Variants in PDGFC observed in about 807,000 individuals in gnomAD.
The protein encoded by PDGFC is platelet derived growth factor C, also known as platelet-derived growth factor C.
In PDGFC, 12 loss-of-function variants were observed where a neutral mutation model predicts 35.5. The ratio of observed to expected loss-of-function variants is 0.34; its 90% CI spans 0.22 to 0.55. PDGFC has a LOEUF of 0.55. PDGFC is among the 20% of genes least tolerant of loss of function. The probability of loss-of-function intolerance (pLI) is 0.91; values close to 1 mark genes in which losing one functional copy is unlikely to be tolerated. For missense variants in PDGFC, 322 were observed against 412.4 expected, an observed-to-expected ratio of 0.78 and a Z score of 1.90; for synonymous variants, 159 against 148.8, an observed-to-expected ratio of 1.07 and a Z score of -0.50.
chr4:156,921,321 A>T (rs76288199), intron 1 of PDGFC, among the ~76,000 whole-genome samples: 1,984 of 152,240 alleles, frequency 0.013, 26 homozygotes, highest in Non-Finnish European at 0.021. Flanking sequence ...ATGTATTCAG[A>T]ACAACAGATA....
At chr4:156,879,620 T>C (rs1389701603) in intron 1 of PDGFC, among the ~76,000 whole-genome samples, 2 of 152,168 alleles carry the variant, frequency 1.3e-5, no homozygotes, top group African/African-American at 4.8e-5. Flanking sequence ...AATGGGTCAT[T>C]TACTCCAAAT....
At chr4:156,856,170 A>G (rs770189631) in intron 1 of PDGFC, among the ~76,000 whole-genome samples, 2 of 152,186 alleles carry the variant, frequency 1.3e-5, no homozygotes, top group Non-Finnish European at 2.9e-5. Flanking sequence ...ACCTCCAACT[A>G]TTCCAATTAC....
chr4:156,807,856 A>G (rs1731813046), intron 3 of PDGFC, among the ~76,000 whole-genome samples: 1 of 152,062 alleles, frequency 6.6e-6, no homozygotes, highest in East Asian at 1.9e-4. Flanking sequence ...ATAGTAATGC[A>G]TGCAAAATAT....
chr4:156,791,907 C>A (rs1731308654), intron 3 of PDGFC, among the ~76,000 whole-genome samples: 5 of 152,118 alleles, frequency 3.3e-5, no homozygotes, highest in Admixed American at 3.3e-4. Flanking sequence ...CTAGGATTGG[C>A]CTGAAAACCT....
At chr4:156,840,497 G>T (rs1168330462) in intron 2 of PDGFC, among the ~76,000 whole-genome samples, 1 of 152,230 alleles carries the variant, frequency 6.6e-6, no homozygotes, top group East Asian at 1.9e-4. Context: ...TCCTGCAGGG[G>T]TGGAGCCCTC....
At chr4:156,890,522 A>G (rs1384630116) in intron 1 of PDGFC, among the ~76,000 whole-genome samples, 1 of 152,122 alleles carries the variant, frequency 6.6e-6, no homozygotes. Flanking sequence ...TTTTCTGACC[A>G]GTCTTTCCTG....
chr4:156,848,122 C>G (rs1729369246), intron 2 of PDGFC, among the ~76,000 whole-genome samples: 1 of 150,732 alleles, frequency 6.6e-6, no homozygotes, highest in Non-Finnish European at 1.5e-5. Flanking sequence ...AAGACATAAG[C>G]AGGCATGATA....
chr4:156,774,457 T>C (rs1172634740), intron 3 of PDGFC: 1 of 152,214 alleles, frequency 6.6e-6, no homozygotes, highest in Non-Finnish European at 1.5e-5. Context: ...CTCTGTGGGC[T>C]GCTCTGTGAG....
At chr4:156,965,913 A>G (rs1732455250) in intron 1 of PDGFC, among the ~76,000 whole-genome samples, 2 of 152,318 alleles carry the variant, frequency 1.3e-5, no homozygotes, top group South Asian at 4.1e-4. Flanking sequence ...CTGATCGATC[A>G]GGACAGAGGC....
chr4:156,879,061 G>T lies in PDGFC; in HGVS notation c.119-28645C>A, dbSNP rs866580737. 4.0e-4 allele frequency among the ~76,000 whole-genome samples: 61 copies of T among 152,148 alleles called. 1 individual carries two copies. The highest frequency in any genetic ancestry group is 1.3e-3 in the African/African-American group (52 of 41,426). ...GTGACTCAGATAATTTGTCTGAAAG[G>T]TAGGTACTGTCAGTTGTCTTATGAG... On this transcript the variant is annotated intron_variant, in intron 1 of 5. Transcript: ENST00000502773.
chr4:156,851,825 G>A (rs1293494019), intron 1 of PDGFC, among the ~76,000 whole-genome samples: 7 of 150,918 alleles, frequency 4.6e-5, no homozygotes, highest in East Asian at 3.9e-4. Context: ...CTGCTACTCC[G>A]GAGGCTGAGG....
intron 1 of PDGFC, among the ~76,000 whole-genome samples, chr4:156,884,253 G>A (rs1294399965): frequency 6.6e-6 from 1 of 152,152 alleles, no homozygotes; most frequent in African/African-American, 2.4e-5. Flanking sequence ...ATAAAAATGT[G>A]TAAGGTCAAC....
intron 2 of PDGFC, among the ~76,000 whole-genome samples, chr4:156,812,709 G>C (rs1731971079): frequency 6.6e-6 from 1 of 152,132 alleles, no homozygotes; most frequent in African/African-American, 2.4e-5. Context: ...AACTACTTCA[G>C]CTTCATTTTC....
chr4:156,888,645 T>C (rs1363003316), intron 1 of PDGFC, among the ~76,000 whole-genome samples: 1 of 152,218 alleles, frequency 6.6e-6, no homozygotes, highest in Non-Finnish European at 1.5e-5. Flanking sequence ...ACACTCAACC[T>C]TGCTTAATCT....
At chr4:156,780,111 T>TTTG (rs1163047453) in intron 3 of PDGFC, among the ~76,000 whole-genome samples, 168 of 151,422 alleles carry the variant, frequency 1.1e-3, no homozygotes, top group Non-Finnish European at 2.1e-3. Context: ...ATTAAGGTTT[T>TTTG]TTTTTTTTTT....
intron 3 of PDGFC, among the ~76,000 whole-genome samples, chr4:156,790,058 G>T (rs779374579): frequency 1.3e-5 from 2 of 148,598 alleles, no homozygotes; most frequent in Non-Finnish European, 3.0e-5. Context: ...TAAATCAGAA[G>T]ACCTGGGCAC....
At chr4:156,947,344 T>C (rs1410081500) in intron 1 of PDGFC, among the ~76,000 whole-genome samples, 2 of 152,022 alleles carry the variant, frequency 1.3e-5, no homozygotes, top group East Asian at 1.9e-4. Context: ...ACTTTTCTAC[T>C]CAAAACTCTC....
intron 1 of PDGFC, among the ~76,000 whole-genome samples, chr4:156,893,550 C>T (rs551988138): frequency 1.7e-4 from 26 of 151,724 alleles, no homozygotes; most frequent in Non-Finnish European, 3.1e-4. Flanking sequence ...TTGACCAGGA[C>T]GGTCATGAAC....
At chr4:156,888,681 C>T (rs1158183163) in intron 1 of PDGFC, among the ~76,000 whole-genome samples, 1 of 152,166 alleles carries the variant, frequency 6.6e-6, no homozygotes, top group Non-Finnish European at 1.5e-5. Context: ...ATTCACATCA[C>T]TTTTTTCTTA....
Sources: gnomAD v4.1 joint callset for allele counts (sites outside exome capture counted in the v4.1 genomes callset) on GRCh38, gnomAD v4.1.1 for gene constraint, MANE v1.5 for transcripts, NCBI Gene and HGNC (gene_info 2026-07-23, HGNC 2026-07-21) for gene names.